FSTL4: variants seen among roughly 807,000 people sequenced by gnomAD.
FSTL4 encodes follistatin like 4.
A neutral mutation model predicts 78.2 loss-of-function variants in FSTL4; 28 were observed. That is an observed-to-expected ratio of 0.36 (90% confidence interval 0.27 to 0.49). The LOEUF is 0.49. Among genes scored for constraint, FSTL4 ranks in the 20% least tolerant of loss-of-function variants. The pLI, the probability that FSTL4 is intolerant of heterozygous loss-of-function variation, is 0.98. For synonymous variants in FSTL4, 422 were observed against 440.5 expected (o/e 0.96, Z 0.53); for missense variants, 922 against 1,084.9 (o/e 0.85, Z 2.11).
the FSTL4 span, among the ~76,000 whole-genome samples, chr5:133,636,863 C>T: frequency 6.6e-6 from 1 of 152,152 alleles, no homozygotes; most frequent in African/African-American, 2.4e-5. Flanking sequence ...AACAACTGAA[C>T]ATTGGTGCTT....
At chr5:133,307,137 T>A (rs776406663) in intron 6 of FSTL4, among the ~76,000 whole-genome samples, 10 of 152,158 alleles carry the variant, frequency 6.6e-5, no homozygotes, top group Non-Finnish European at 1.5e-4. Context: ...AGTCGCAGAA[T>A]AAAGATTCAA....
the FSTL4 span, among the ~76,000 whole-genome samples, chr5:133,713,538 T>G: frequency 6.6e-6 from 1 of 152,086 alleles, no homozygotes; most frequent in South Asian, 2.1e-4. Context: ...TCCCAAAAAG[T>G]AGGATAGATG....
intron 4 of FSTL4, among the ~76,000 whole-genome samples, chr5:133,380,988 T>A (rs953627601): frequency 3.3e-5 from 5 of 152,202 alleles, no homozygotes; most frequent in African/African-American, 9.7e-5. Context: ...CCCTCAGTAG[T>A]TGCAGAAAAA....
intron 6 of FSTL4, among the ~76,000 whole-genome samples, chr5:133,253,483 CT>C (rs1752310516): frequency 6.6e-6 from 1 of 152,232 alleles, no homozygotes; most frequent in African/African-American, 2.4e-5. Flanking sequence ...TGGAGACCCC[CT>C]GAGTCTTGCA....
At chr5:133,518,657 A>G (rs1201410372) in intron 3 of FSTL4, among the ~76,000 whole-genome samples, 1 of 152,256 alleles carries the variant, frequency 6.6e-6, no homozygotes, top group Non-Finnish European at 1.5e-5. Context: ...GGACAAAATT[A>G]GGAGTATATG....
chr5:133,744,814 A>T, the FSTL4 span, among the ~76,000 whole-genome samples: 1 of 152,200 alleles, frequency 6.6e-6, no homozygotes, highest in Admixed American at 6.5e-5. Context: ...TATTTTAAAG[A>T]TTCCACTTGG....
intron 3 of FSTL4, among the ~76,000 whole-genome samples, 198 bp from the exon 4 acceptor site, chr5:133,401,184 C>T (rs1369281111): frequency 6.6e-6 from 1 of 152,230 alleles, no homozygotes; most frequent in Admixed American, 6.5e-5. Flanking sequence ...GAAGGGTGTC[C>T]TGCCTTGCAG....
chr5:133,709,440 C>T, the FSTL4 span, among the ~76,000 whole-genome samples: 2 of 152,206 alleles, frequency 1.3e-5, no homozygotes, highest in Non-Finnish European at 2.9e-5. Flanking sequence ...AACACTGGCT[C>T]CTTCAGTATA....
chr5:133,285,449 C>G (rs1239017673), intron 6 of FSTL4, among the ~76,000 whole-genome samples: 1 of 152,198 alleles, frequency 6.6e-6, no homozygotes, highest in Non-Finnish European at 1.5e-5. Context: ...ACCAAAGGTT[C>G]TCTCTGACTT....
intron 3 of FSTL4, among the ~76,000 whole-genome samples, chr5:133,486,733 C>T (rs752392256): frequency 6.6e-6 from 1 of 152,122 alleles, no homozygotes; most frequent in African/African-American, 2.4e-5. Flanking sequence ...GATGGTCTCA[C>T]AGGGGTCAGT....
the FSTL4 span, among the ~76,000 whole-genome samples, chr5:133,697,826 G>A: frequency 7.2e-5 from 11 of 152,256 alleles, no homozygotes; most frequent in East Asian, 1.5e-3. Flanking sequence ...GCCAGGACCC[G>A]TTGCAATTCT....
intron 4 of FSTL4, among the ~76,000 whole-genome samples, chr5:133,387,485 G>A (rs376228285): frequency 6.6e-6 from 1 of 152,168 alleles, no homozygotes. Context: ...CTGCAAGGCT[G>A]TGTCCCATGG....
intron 3 of FSTL4, among the ~76,000 whole-genome samples, chr5:133,503,704 A>G (rs1259275174): frequency 6.6e-6 from 1 of 152,210 alleles, no homozygotes; most frequent in African/African-American, 2.4e-5. Flanking sequence ...TATTCAGCCC[A>G]GTTCCCTGTG....
At chr5:133,708,788 TG>T in the FSTL4 span, among the ~76,000 whole-genome samples, 1 of 152,186 alleles carries the variant, frequency 6.6e-6, no homozygotes, top group African/African-American at 2.4e-5. Flanking sequence ...GCCTATGATG[TG>T]GGGGCTATTG....
chr5:133,428,569 C>G (rs1033195880), intron 3 of FSTL4, among the ~76,000 whole-genome samples: 1 of 152,212 alleles, frequency 6.6e-6, no homozygotes, highest in Non-Finnish European at 1.5e-5. Context: ...GAACTGGCAC[C>G]TGTGCTGTTC....
chr5:133,791,417 C>T, the FSTL4 span, among the ~76,000 whole-genome samples: 3 of 152,046 alleles, frequency 2.0e-5, no homozygotes, highest in Non-Finnish European at 4.4e-5. Context: ...GTCTGCTTCC[C>T]CTTGGTAGAA....
chr5:133,395,895 C>T (rs1756029054), intron 4 of FSTL4, among the ~76,000 whole-genome samples: 1 of 152,136 alleles, frequency 6.6e-6, no homozygotes, highest in Non-Finnish European at 1.5e-5. Flanking sequence ...GAGGTACATT[C>T]TAGGAGCTTT....
the FSTL4 span, among the ~76,000 whole-genome samples, chr5:133,818,198 A>C: frequency 6.6e-6 from 1 of 152,238 alleles, no homozygotes; most frequent in Non-Finnish European, 1.5e-5. Flanking sequence ...GGTCCCAGAA[A>C]TTCTGATAGC....
intron 6 of FSTL4, among the ~76,000 whole-genome samples, chr5:133,305,203 G>A (rs962295242): frequency 7.9e-5 from 12 of 152,190 alleles, no homozygotes; most frequent in African/African-American, 2.9e-4. Flanking sequence ...CCTCTCCAGC[G>A]GCTTGCAGGC....
Sources: allele counts gnomAD v4.1 joint callset (sites outside exome capture counted in the v4.1 genomes callset), GRCh38; gene constraint gnomAD v4.1.1; transcripts MANE v1.5; gene names NCBI Gene and HGNC (gene_info 2026-07-23, HGNC 2026-07-21).